CCDC38: variants seen among roughly 807,000 people sequenced by gnomAD.
CCDC38 encodes the protein coiled-coil domain containing 38.
Under a neutral mutation model 72.8 loss-of-function variants are expected in CCDC38, and 69 were observed. The ratio of observed to expected loss-of-function variants is 0.95; its 90% CI spans 0.78 to 1.16. CCDC38 has a LOEUF of 1.16. CCDC38 is among the 50% of genes most tolerant of loss of function. The pLI, the probability that CCDC38 is intolerant of heterozygous loss-of-function variation, is 0.00. For synonymous variants in CCDC38, 201 were observed against 213.2 expected, an observed-to-expected ratio of 0.94 and a Z score of 0.50; for missense variants, 626 against 638.9, an observed-to-expected ratio of 0.98 and a Z score of 0.22.
chr12:95,903,280 T>C, intron 5 of CCDC38: 1 of 541,400 alleles, frequency 1.8e-6, no homozygotes, highest in Non-Finnish European at 3.3e-6. Context: ...GTTATGGTAG[T>C]TTTAAAATAG....
At chr12:95,908,345 G>A (rs1045002538) in intron 4 of CCDC38, among the ~76,000 whole-genome samples, 5 of 149,140 alleles carry the variant, frequency 3.4e-5, no homozygotes, top group East Asian at 2.0e-4. Context: ...GCCTGCAATC[G>A]CAGGCACTCG....
At chr12:95,941,316 T>C (rs1210580837) in intron 1 of CCDC38, among the ~76,000 whole-genome samples, 1 of 152,212 alleles carries the variant, frequency 6.6e-6, no homozygotes, top group Non-Finnish European at 1.5e-5. Context: ...GGAAGACAAA[T>C]AGCAGGATTA....
rs1212263209 is a variant in CCDC38 at position 95,867,196 on chromosome 12, CAAAAG to C, written c.1579-12_1579-8del. The C allele has an allele frequency of 2.0e-6, 3 of 1,466,346 alleles. No individual in the cohort carries two copies. Among genetic ancestry groups the C allele is most frequent in the Middle Eastern group, 2.0e-4 (1 of 5,018 alleles). The allele number at this position is 1,466,346 out of a possible 1,614,324, so 90.8% of individuals were successfully genotyped here. On this transcript the variant is annotated splice_polypyrimidine_tract_variant and splice_region_variant and intron_variant, in intron 15 of 15. Transcript: ENST00000344280. Reference sequence around the variant, plus strand: ...AGACAAGTCGTCTTCCCAACTGAAACAAAAGAAAAACAAAATACTTAATATTTTTT... The same window carrying C: ...AGACAAGTCGTCTTCCCAACTGAAACAAAAACAAAATACTTAATATTTTTT...
chr12:95,912,603 A>G (rs2080106163), intron 4 of CCDC38, among the ~76,000 whole-genome samples: 1 of 152,186 alleles, frequency 6.6e-6, no homozygotes, highest in Non-Finnish European at 1.5e-5. Context: ...AATAGCTAGA[A>G]GAATGGATTT....
At chr12:95,920,213 G>A (rs554112863) in intron 2 of CCDC38, among the ~76,000 whole-genome samples, 1 of 152,180 alleles carries the variant, frequency 6.6e-6, no homozygotes, top group South Asian at 2.1e-4. Flanking sequence ...GTTCTTTCTT[G>A]TGCTGTTCTC....
In CCDC38 at chr12:95,936,533, G is replaced by GA. The variant is rs56667838; in HGVS notation, c.-14-11dup. ...ATTTTCTTGCCTGGCCCTGTTGAAAGAAAAAAAAATACGTTTTTTAAAAAT... is the reference window on the plus strand; with the variant it reads ...ATTTTCTTGCCTGGCCCTGTTGAAAGAAAAAAAAAATACGTTTTTTAAAAAT... On this transcript the variant is annotated splice_polypyrimidine_tract_variant and intron_variant, in intron 1 of 15. Coordinates refer to ENST00000344280, the MANE Select transcript of CCDC38 (RefSeq NM_182496.3). The GA allele has an allele frequency of 5.0e-4, 786 of 1,586,886 alleles. No individual in the cohort carries two copies. The highest frequency in any genetic ancestry group is 3.0e-3 in the Middle Eastern group (14 of 4,650).
At chr12:95,924,748 T>C (rs2080249707) in intron 2 of CCDC38, among the ~76,000 whole-genome samples, 2 of 150,478 alleles carry the variant, frequency 1.3e-5, no homozygotes, top group Non-Finnish European at 3.0e-5. Flanking sequence ...AGTTTCAGCT[T>C]TCTACATATG....
At chr12:95,932,352 A>C (rs1045956139) in intron 2 of CCDC38, among the ~76,000 whole-genome samples, 4 of 151,408 alleles carry the variant, frequency 2.6e-5, no homozygotes, top group African/African-American at 9.7e-5. Context: ...TCCCTCAAGC[A>C]CTCATTTTTC....
intron 5 of CCDC38, among the ~76,000 whole-genome samples, chr12:95,901,142 C>A (rs928488739): frequency 6.6e-6 from 1 of 152,096 alleles, no homozygotes; most frequent in Non-Finnish European, 1.5e-5. Context: ...CTGTGGAGGT[C>A]ATGAACAGTA....
rs2289096 is a variant in CCDC38 at position 95,878,263 on chromosome 12, A to G, written c.1226T>C (p.Leu409Ser). 104 of 1,613,604 alleles carry G rather than the reference A, an allele frequency of 6.4e-5. 1 individual carries two copies. The East Asian group carries it at 2.3e-3, about 35-fold the overall frequency. The part of the protein sequence containing the change: ...CVREEEKAAE[L>S]QLKSKLFSFG... ...GCTAAAGAGCTTGGACTTTAATTGC[A>G]ATTCTGCTGCTTTCTCTTCTTCTCT... Residue 409 changes from leucine to serine, a missense_variant, in exon 13 of 16, where the codon TTG becomes TCG. Coordinates refer to ENST00000344280, the MANE Select transcript of CCDC38 (RefSeq NM_182496.3).
chr12:95,883,767 T>G (rs925374676), intron 10 of CCDC38, among the ~76,000 whole-genome samples: 10 of 152,220 alleles, frequency 6.6e-5, no homozygotes, highest in Non-Finnish European at 1.3e-4. Context: ...GGGCACTCAA[T>G]AAGTATTTGT....
chr12:95,935,150 T>A (rs1387750468), intron 2 of CCDC38: 1 of 152,258 alleles, frequency 6.6e-6, no homozygotes, highest in African/African-American at 2.4e-5. Flanking sequence ...TAATCACTTG[T>A]GCATACATAT....
chr12:95,916,420 T>TTCCTTCCTTC (rs1565961062), intron 4 of CCDC38, among the ~76,000 whole-genome samples: 1 of 126,110 alleles, frequency 7.9e-6, no homozygotes, highest in African/African-American at 3.9e-5. Flanking sequence ...TTCCTTCCTT[T>TTCCTTCCTTC]TTTCCCTTCT....
chr12:95,927,672 G>A (rs1158564768), intron 2 of CCDC38, among the ~76,000 whole-genome samples: 5 of 152,184 alleles, frequency 3.3e-5, no homozygotes, highest in Non-Finnish European at 7.3e-5. Flanking sequence ...TGCAGCGGCT[G>A]GTATTGGTTG....
chr12:95,934,581 T>C (rs1311964337), intron 2 of CCDC38: 1 of 152,114 alleles, frequency 6.6e-6, no homozygotes, highest in Non-Finnish European at 1.5e-5. Flanking sequence ...ATATAAATCC[T>C]TTAATTAAAA....
At chr12:95,877,115 AG>A (rs2079644265) in intron 13 of CCDC38, among the ~76,000 whole-genome samples, 1 of 152,178 alleles carries the variant, frequency 6.6e-6, no homozygotes, top group South Asian at 2.1e-4. Flanking sequence ...GGGGATCTGA[AG>A]GAACTACCCA....
intron 4 of CCDC38, among the ~76,000 whole-genome samples, chr12:95,908,101 C>A (rs1282006878): frequency 6.6e-6 from 1 of 151,978 alleles, no homozygotes; most frequent in Non-Finnish European, 1.5e-5. Flanking sequence ...TTTGGGAGGC[C>A]AAGGCAGGCT....
At chr12:95,928,051 C>T (rs11108343) in intron 2 of CCDC38, among the ~76,000 whole-genome samples, 70 of 148,156 alleles carry the variant, frequency 4.7e-4, no homozygotes, top group Admixed American at 1.8e-3. Flanking sequence ...ATCTTTGTGG[C>T]GTTCTCTGTA....
At chr12:95,921,732 T>A (rs2080211066) in intron 2 of CCDC38, among the ~76,000 whole-genome samples, 1 of 115,976 alleles carries the variant, frequency 8.6e-6, no homozygotes, top group African/African-American at 3.7e-5. Flanking sequence ...AGCCTGGAGT[T>A]GACACCTTAA....
Sources: allele counts gnomAD v4.1 joint callset (sites outside exome capture counted in the v4.1 genomes callset), GRCh38; gene constraint gnomAD v4.1.1; transcripts MANE v1.5; gene names NCBI Gene and HGNC (gene_info 2026-07-23, HGNC 2026-07-21).